IGSF21: variants seen among roughly 807,000 people sequenced by gnomAD.
IGSF21 encodes the protein immunoglobin superfamily member 21.
IGSF21 carries 28 observed loss-of-function variants against 46.8 expected under a neutral mutation model. The observed-to-expected ratio is 0.60, with a 90% CI of 0.44 to 0.82. The LOEUF (loss-of-function observed/expected upper bound fraction) is 0.82. Ranked by LOEUF, IGSF21 falls within the 40% of genes least tolerant of loss-of-function variation. The pLI is 0.00. For missense variants in IGSF21, 624 were observed against 665.5 expected (o/e 0.94, Z 0.69); for synonymous variants, 284 against 273.6 (o/e 1.04, Z -0.38).
At chr1:18,286,964 G>A (rs1179051605) in intron 2 of IGSF21, among the ~76,000 whole-genome samples, 3 of 151,926 alleles carry the variant, frequency 2.0e-5, no homozygotes, top group Non-Finnish European at 4.4e-5. Context: ...GGCGGATCAC[G>A]AGGTCAGGAG....
intron 1 of IGSF21, among the ~76,000 whole-genome samples, chr1:18,195,914 C>A (rs561684323): frequency 9.8e-5 from 15 of 152,312 alleles, no homozygotes; most frequent in African/African-American, 3.6e-4. Flanking sequence ...GGGAGGGAGG[C>A]AGAGAAGGCT....
intron 1 of IGSF21, among the ~76,000 whole-genome samples, chr1:18,178,838 G>A (rs567278538): frequency 2.6e-5 from 4 of 152,034 alleles, no homozygotes; most frequent in Non-Finnish European, 4.4e-5. Flanking sequence ...GCAGCAGTTC[G>A]GGGAGCGAGC....
intron 1 of IGSF21, among the ~76,000 whole-genome samples, chr1:18,134,654 C>A (rs943835254): frequency 6.6e-6 from 1 of 152,182 alleles, no homozygotes; most frequent in Non-Finnish European, 1.5e-5. Flanking sequence ...GCCCACCCCC[C>A]TCTTCCCCAC....
chr1:18,185,929 C>T (rs1442759747), intron 1 of IGSF21, among the ~76,000 whole-genome samples: 1 of 152,150 alleles, frequency 6.6e-6, no homozygotes, highest in African/African-American at 2.4e-5. Context: ...AAAATAGGTG[C>T]ACTGGTCCTT....
chr1:18,245,223 A>G (rs1423396921), intron 2 of IGSF21, among the ~76,000 whole-genome samples: 1 of 152,202 alleles, frequency 6.6e-6, no homozygotes, highest in Non-Finnish European at 1.5e-5. Context: ...TAGGAAGGTT[A>G]CTTCTATTCC....
chr1:18,235,218 T>C (rs963282668), intron 2 of IGSF21, among the ~76,000 whole-genome samples: 3 of 152,220 alleles, frequency 2.0e-5, no homozygotes, highest in Non-Finnish European at 4.4e-5. Flanking sequence ...GAGCATGTCA[T>C]GGCGTTTGTG....
chr1:18,291,803 G>A (rs1237809921), intron 2 of IGSF21, 63 bp from the exon 3 acceptor site: 14 of 1,591,502 alleles, frequency 8.8e-6, no homozygotes, highest in Non-Finnish European at 1.1e-5. Flanking sequence ...CAGTGTCCTG[G>A]GGAAAGGGGT....
intron 4 of IGSF21, among the ~76,000 whole-genome samples, chr1:18,336,490 A>C (rs750275438): frequency 6.6e-6 from 1 of 152,234 alleles, no homozygotes; most frequent in Non-Finnish European, 1.5e-5. Context: ...AGCCAAGATC[A>C]CAAAATCCTC....
At chr1:18,149,538 G>C (rs540204292) in intron 1 of IGSF21, among the ~76,000 whole-genome samples, 19 of 151,960 alleles carry the variant, frequency 1.3e-4, no homozygotes, top group African/African-American at 4.3e-4. Context: ...TGGGTGCCCG[G>C]CCAGCAAGAC....
chr1:18,366,329 G>C (rs2124633611), intron 6 of IGSF21, among the ~76,000 whole-genome samples: 1 of 152,306 alleles, frequency 6.6e-6, no homozygotes, highest in Admixed American at 6.5e-5. Context: ...CAAGTCAGAA[G>C]CATAGGTCAG....
chr1:18,359,394 G>GAAA (rs2086066691), intron 4 of IGSF21, among the ~76,000 whole-genome samples: 1 of 111,488 alleles, frequency 9.0e-6, no homozygotes, highest in South Asian at 3.1e-4. Flanking sequence ...AAGGAAGGAA[G>GAAA]GAAGGAAGGA....
At chr1:18,375,872 G>T (rs2086275474) in intron 6 of IGSF21, 1 of 188,084 alleles carries the variant, frequency 5.3e-6, no homozygotes. Flanking sequence ...TGGGAGTTGG[G>T]GGTACCTCAA....
chr1:18,190,590 T>G (rs1003285176), intron 1 of IGSF21, among the ~76,000 whole-genome samples: 1 of 152,196 alleles, frequency 6.6e-6, no homozygotes, highest in African/African-American at 2.4e-5. Context: ...TTATGGGTCA[T>G]TGTAAACTCT....
rs141970770 is a variant in IGSF21 at position 18,317,274 on chromosome 1, A to G, written c.306-17618A>G. Among the ~76,000 whole-genome samples, 10 of 152,280 alleles carry G rather than the reference A, an allele frequency of 6.6e-5. No homozygotes were observed. In the South Asian group the frequency reaches 1.0e-3, roughly 16 times the overall value. ...AAAAAAACACATTTCATCTTTTCCC[A>G]TACTACCACCTCACTCCTCACCACA... is the stretch of plus-strand genomic sequence containing the variant. On this transcript the variant is annotated intron_variant, in intron 3 of 9. Coordinates refer to ENST00000251296, the MANE Select transcript of IGSF21 (RefSeq NM_032880.5).
At chr1:18,371,360 C>T (rs2086221699) in intron 6 of IGSF21, among the ~76,000 whole-genome samples, 1 of 152,080 alleles carries the variant, frequency 6.6e-6, no homozygotes, top group Admixed American at 6.6e-5. Flanking sequence ...TCACTTGCAG[C>T]CGGGAGTTTG....
intron 3 of IGSF21, among the ~76,000 whole-genome samples, chr1:18,332,882 G>A (rs1042285440): frequency 6.6e-6 from 1 of 152,206 alleles, no homozygotes; most frequent in Non-Finnish European, 1.5e-5. Flanking sequence ...GGAAAAAGAG[G>A]CTGGCAGCCC....
At chr1:18,228,869 C>T (rs2084595989) in intron 2 of IGSF21, among the ~76,000 whole-genome samples, 1 of 152,212 alleles carries the variant, frequency 6.6e-6, no homozygotes. Flanking sequence ...AGTTACTCAA[C>T]TCTGCTGGTA....
chr1:18,352,822 G>A (rs1487085753), intron 4 of IGSF21, among the ~76,000 whole-genome samples: 1 of 152,172 alleles, frequency 6.6e-6, no homozygotes, highest in Non-Finnish European at 1.5e-5. Context: ...GCAGGTGAGC[G>A]GGTGCTTCCA....
At chr1:18,260,042 C>T (rs1434063766) in intron 2 of IGSF21, among the ~76,000 whole-genome samples, 4 of 152,226 alleles carry the variant, frequency 2.6e-5, no homozygotes, top group African/African-American at 4.8e-5. Context: ...AAAACATCCC[C>T]CTCATCGTTT....
Sources: gnomAD v4.1 joint callset for allele counts (sites outside exome capture counted in the v4.1 genomes callset) on GRCh38, gnomAD v4.1.1 for gene constraint, MANE v1.5 for transcripts, NCBI Gene and HGNC (gene_info 2026-07-23, HGNC 2026-07-21) for gene names.